CUX1: variants seen among roughly 807,000 people sequenced by gnomAD.
CUX1 encodes the protein cut like homeobox 1, also known as protein CASP.
Under a neutral mutation model 158.8 loss-of-function variants are expected in CUX1, and 31 were observed. The ratio of observed to expected loss-of-function variants is 0.20; its 90% CI spans 0.15 to 0.26. The LOEUF is 0.26. CUX1 is among the 10% of genes least tolerant of loss of function. The pLI is 1.00. For synonymous variants in CUX1, 879 were observed against 862.1 expected (o/e 1.02, Z -0.34); for missense variants, 1,589 against 2,014.6 (o/e 0.79, Z 4.04).
Position 102,257,729 on chromosome 7 carries a change from C to T in CUX1, c.*8687C>T, listed in dbSNP as rs1790049573. On this transcript the variant is annotated 3_prime_UTR_variant, in exon 24 of 24. Transcript: ENST00000292535. Reference sequence around the variant, plus strand: ...TCCCCCCACCCCACCCCCACTCTAGCGTTTTGTCACGTCTTACATTTTAGC... The same window carrying T: ...TCCCCCCACCCCACCCCCACTCTAGTGTTTTGTCACGTCTTACATTTTAGC... 2 of 985,170 alleles carry T rather than the reference C, an allele frequency of 2.0e-6. No individual in the cohort carries two copies. Among genetic ancestry groups the T allele is most frequent in the African/African-American group, 1.8e-5 (1 of 57,102 alleles). 61.0% of individuals were successfully genotyped at this position (985,170 alleles called of 1,614,324 possible). A position where few individuals can be genotyped will look rare whatever the true frequency, so the allele number is the denominator to read the frequency against.
At chr7:102,162,666 C>T (rs1316589858) in intron 9 of CUX1, among the ~76,000 whole-genome samples, 1 of 152,176 alleles carries the variant, frequency 6.6e-6, no homozygotes, top group Non-Finnish European at 1.5e-5. Context: ...AGGCACATGC[C>T]ACCACACCCA....
intron 9 of CUX1, among the ~76,000 whole-genome samples, chr7:102,168,018 C>A (rs1262352580): frequency 6.6e-6 from 1 of 151,084 alleles, no homozygotes; most frequent in Non-Finnish European, 1.5e-5. Flanking sequence ...GCGGAGGTTG[C>A]AGTTAACTGA....
chr7:102,021,509 C>T (rs759059782), intron 2 of CUX1, among the ~76,000 whole-genome samples: 15 of 151,950 alleles, frequency 9.9e-5, no homozygotes, highest in Non-Finnish European at 1.5e-4. Context: ...GATTTCACCA[C>T]GTTGCCCAAG....
rs2131428124 is a variant in CUX1 at position 101,869,016 on chromosome 7, A to G, written c.31-47099A>G. On this transcript the variant is annotated intron_variant, in intron 1 of 23. Coordinates refer to ENST00000292535, the MANE Select transcript of CUX1 (RefSeq NM_181552.4). The surrounding 1 kb of genome is among the most constrained non-coding windows in gnomAD (Gnocchi z 4.5). ...CATGATCTGGGCCATGCCCTGGGAGACGCTTCCGCAGGAGATGGTGCGGCT... is the reference window on the plus strand; with the variant it reads ...CATGATCTGGGCCATGCCCTGGGAGGCGCTTCCGCAGGAGATGGTGCGGCT... Among the ~76,000 whole-genome samples the G allele has an allele frequency of 6.6e-6, 1 of 152,156 alleles. No individual in the cohort carries two copies. Among genetic ancestry groups the G allele is most frequent in the East Asian group, 1.9e-4 (1 of 5,168 alleles).
At chr7:102,071,101 C>T (rs1353745070) in intron 4 of CUX1, among the ~76,000 whole-genome samples, 1 of 151,856 alleles carries the variant, frequency 6.6e-6, no homozygotes, top group African/African-American at 2.4e-5. Context: ...GAGGTACGTG[C>T]CACCACATTC....
At chr7:102,219,096 T>A (rs1353327904) in intron 20 of CUX1, among the ~76,000 whole-genome samples, 2 of 66,094 alleles carry the variant, frequency 3.0e-5, no homozygotes, top group African/African-American at 5.1e-5. Context: ...ACACACACAC[T>A]ATGGCTATAT....
At chr7:102,122,174 C>A (rs1426962905) in intron 8 of CUX1, among the ~76,000 whole-genome samples, 1 of 152,094 alleles carries the variant, frequency 6.6e-6, no homozygotes, top group Non-Finnish European at 1.5e-5. Flanking sequence ...TCTGCTGTAC[C>A]TTTAAGAATG....
At chr7:102,056,350 C>T (rs549050439) in intron 3 of CUX1, among the ~76,000 whole-genome samples, 4 of 152,252 alleles carry the variant, frequency 2.6e-5, no homozygotes, top group African/African-American at 9.6e-5. Flanking sequence ...CTTCCAAATG[C>T]AGGCCGACTC....
intron 1 of CUX1, among the ~76,000 whole-genome samples, chr7:101,833,002 G>A (rs1273730195): frequency 2.0e-5 from 3 of 152,156 alleles, no homozygotes; most frequent in Non-Finnish European, 4.4e-5. Flanking sequence ...TGCTGGGAAA[G>A]TAACTTCGGG....
Position 102,093,702 on chromosome 7 carries a change from AT to A in CUX1, c.269-3661del, listed in dbSNP as rs782635381. ...TACAGTATTGTTGTTTGTAATAATTATGTTCCTTGAGCCCTGTGTTGCATAA... is the reference window on the plus strand; with the variant it reads ...TACAGTATTGTTGTTTGTAATAATTAGTTCCTTGAGCCCTGTGTTGCATAA... On this transcript the variant is annotated intron_variant, in intron 4 of 23. Coordinates refer to ENST00000292535, the MANE Select transcript of CUX1 (RefSeq NM_181552.4). 5.9e-5 allele frequency among the ~76,000 whole-genome samples: 9 copies of A among 152,218 alleles called. 1 individual carries two copies. The highest frequency in any genetic ancestry group is 1.2e-4 in the Non-Finnish European group (8 of 68,050).
At chr7:101,919,080 T>A (rs1463948885) in intron 2 of CUX1, among the ~76,000 whole-genome samples, 1 of 152,140 alleles carries the variant, frequency 6.6e-6, no homozygotes, top group Non-Finnish European at 1.5e-5. Context: ...CGCCCAGCCC[T>A]CCTGCTGGAA....
intron 1 of CUX1, among the ~76,000 whole-genome samples, chr7:101,873,776 G>A (rs1694677608): frequency 6.6e-6 from 1 of 152,106 alleles, no homozygotes; most frequent in East Asian, 1.9e-4. Flanking sequence ...GTAGAGACAG[G>A]GTTTTGCCAT....
intron 1 of CUX1, among the ~76,000 whole-genome samples, chr7:101,885,062 C>T (rs970370174): frequency 1.3e-4 from 20 of 152,140 alleles, no homozygotes; most frequent in African/African-American, 3.9e-4. Context: ...TTGCATATAG[C>T]GGAAATATTT....
upstream of CUX1, chr7:101,817,462 G>A: frequency 2.8e-6 from 3 of 1,062,684 alleles, no homozygotes; most frequent in Non-Finnish European, 3.4e-6. The surrounding 1 kb of genome is among the most constrained non-coding windows in gnomAD (Gnocchi z 4.1). Flanking sequence ...AGTCCCCGGC[G>A]CCGCGGGGGG....
chr7:101,910,313 A>G (rs915445717), intron 1 of CUX1, among the ~76,000 whole-genome samples: 1 of 151,914 alleles, frequency 6.6e-6, no homozygotes, highest in Admixed American at 6.6e-5. Flanking sequence ...TGTCCAGCTA[A>G]TTTTTGTATT....
chr7:102,063,203 C>G (rs1272639623), intron 3 of CUX1, among the ~76,000 whole-genome samples: 2 of 151,634 alleles, frequency 1.3e-5, no homozygotes, highest in African/African-American at 4.8e-5. Flanking sequence ...CAGTAGCGGC[C>G]ATTAGTGCAG....
At position 102,253,361 on chromosome 7, in the gene CUX1, C is replaced by T; in HGVS notation, c.*4319C>T. On this transcript the variant is annotated 3_prime_UTR_variant, in exon 24 of 24. Transcript: ENST00000292535. ...AGGCTGCAAAGAGATCGCTGTGGGCCTCGGCTGACTACTTTAAGATTATGC... is the reference window on the plus strand; with the variant it reads ...AGGCTGCAAAGAGATCGCTGTGGGCTTCGGCTGACTACTTTAAGATTATGC... 1.0e-6 allele frequency: 1 copy of T among 985,466 alleles called. No individual in the cohort carries two copies. The highest frequency in any genetic ancestry group is 4.7e-5 in the South Asian group (1 of 21,282). The allele number at this position is 985,466 out of a possible 1,614,324, so 61.0% of individuals were successfully genotyped here.
intron 1 of CUX1, among the ~76,000 whole-genome samples, chr7:101,888,665 C>T (rs759063336): frequency 2.0e-5 from 3 of 152,122 alleles, no homozygotes; most frequent in Non-Finnish European, 4.4e-5. Flanking sequence ...TCTCAGCTCA[C>T]TGCAGCCCCT....
downstream of CUX1, among the ~76,000 whole-genome samples, chr7:102,262,740 C>A (rs979350088): frequency 2.0e-5 from 3 of 152,166 alleles, no homozygotes; most frequent in Non-Finnish European, 4.4e-5. Context: ...CCTGGGAGAC[C>A]CTGCAGCTGT....
Sources: allele counts gnomAD v4.1 joint callset (sites outside exome capture counted in the v4.1 genomes callset), GRCh38; gene constraint gnomAD v4.1.1; non-coding constraint Gnocchi (gnomAD v3.1); transcripts MANE v1.5; gene names NCBI Gene and HGNC (gene_info 2026-07-23, HGNC 2026-07-21).